Variants in SPRY3 observed in about 807,000 individuals in gnomAD.
SPRY3 encodes the protein protein sprouty homolog 3.
In SPRY3, 15 loss-of-function variants were observed where a neutral mutation model predicts 20.2. The ratio of observed to expected loss-of-function variants is 0.74; its 90% CI spans 0.50 to 1.14. The LOEUF (loss-of-function observed/expected upper bound fraction) is 1.14, where lower values mean the gene tolerates loss of function less well. SPRY3 is among the 50% of genes most tolerant of loss of function. The pLI is 0.00. For synonymous variants in SPRY3, 143 were observed against 136.5 expected, an observed-to-expected ratio of 1.05 and a Z score of -0.33; for missense variants, 364 against 363.9, an observed-to-expected ratio of 1.00 and a Z score of 0.00.
intron 1 of SPRY3, among the ~76,000 whole-genome samples, chrX:155,629,271 C>T (rs989831793): frequency 2.0e-4 from 21 of 106,723 alleles, no homozygotes; most frequent in Non-Finnish European, 3.5e-4. Flanking sequence ...GTTTTCTGTC[C>T]TTGTGATACT....
intron 1 of SPRY3, among the ~76,000 whole-genome samples, chrX:155,651,638 G>C (rs1440183883): frequency 5.4e-5 from 6 of 111,765 alleles, no homozygotes; most frequent in Non-Finnish European, 7.5e-5. Flanking sequence ...AGAGCAAAAG[G>C]CTTTAAAATT....
chrX:155,627,722 A>G (rs1557350082), intron 1 of SPRY3, among the ~76,000 whole-genome samples: 1 of 109,599 alleles, frequency 9.1e-6, no homozygotes, highest in Non-Finnish European at 1.9e-5. Flanking sequence ...TACATAGGTA[A>G]ATGTGTGCCA....
intron 2 of SPRY3, among the ~76,000 whole-genome samples, chrX:155,767,303 C>G (rs900513655): frequency 2.6e-5 from 4 of 152,092 alleles, no homozygotes; most frequent in South Asian, 2.1e-4. Context: ...AACCCATTCA[C>G]AAGACCTCCA....
chrX:155,749,898 G>C (rs190007898), intron 2 of SPRY3, among the ~76,000 whole-genome samples: 23 of 151,854 alleles, frequency 1.5e-4, no homozygotes, highest in Admixed American at 9.9e-4. Flanking sequence ...TTATTCTGGA[G>C]TTCAGAGGAG....
At chrX:155,624,897 A>G (rs1339579027) in intron 1 of SPRY3, among the ~76,000 whole-genome samples, 1 of 111,784 alleles carries the variant, frequency 8.9e-6, no homozygotes, top group African/African-American at 3.2e-5. Context: ...AATAACAGAT[A>G]GAAATGGCTA....
chrX:155,639,975 A>T (rs1219676376), intron 1 of SPRY3, among the ~76,000 whole-genome samples: 7 of 112,407 alleles, frequency 6.2e-5, no homozygotes, highest in Admixed American at 2.8e-4. Flanking sequence ...TATGTTGGGC[A>T]TCTTTTCATT....
chrX:155,760,983 A>G (rs966545184), intron 2 of SPRY3, among the ~76,000 whole-genome samples: 1 of 152,054 alleles, frequency 6.6e-6, no homozygotes, highest in Non-Finnish European at 1.5e-5. Flanking sequence ...GAATGCTTTT[A>G]AACTTCCTTC....
intron 2 of SPRY3, among the ~76,000 whole-genome samples, chrX:155,761,364 A>G (rs1327984013): frequency 6.6e-6 from 1 of 151,848 alleles, no homozygotes; most frequent in Admixed American, 6.6e-5. Context: ...TTCATTTTAG[A>G]TTCAAAAAAA....
In SPRY3 at chrX:155,625,932, A is replaced by G. The variant is rs1196372494; in HGVS notation, c.-441+13285A>G. Among the ~76,000 whole-genome samples, 5 of 61,927 alleles carry G rather than the reference A, an allele frequency of 8.1e-5. No homozygotes were observed. The Admixed American group carries it at 9.2e-4, about 11-fold the overall frequency. The allele number at this position is 61,927 out of a possible 115,157, so 53.8% of individuals were successfully genotyped here. A position where few individuals can be genotyped will look rare whatever the true frequency, so the allele number is the denominator to read the frequency against. On this transcript the variant is annotated intron_variant, in intron 1 of 3. Transcript: ENST00000675360. ...TGAAGAGTATTTCATTATATGGATAAACCACATTTTGTTTCTTTTTATTGG... is the reference window on the plus strand; with the variant it reads ...TGAAGAGTATTTCATTATATGGATAGACCACATTTTGTTTCTTTTTATTGG...
intron 3 of SPRY3, among the ~76,000 whole-genome samples, chrX:155,768,874 A>G (rs1162014925): frequency 6.6e-6 from 1 of 152,244 alleles, no homozygotes; most frequent in Non-Finnish European, 1.5e-5. Flanking sequence ...TCACCTCTGC[A>G]TGCTGCAAAC....
intron 2 of SPRY3, among the ~76,000 whole-genome samples, chrX:155,691,030 A>T (rs1189693596): frequency 1.2e-5 from 1 of 86,434 alleles, no homozygotes; most frequent in Non-Finnish European, 2.1e-5. Flanking sequence ...ATCGTATATG[A>T]TTTGTGTCCT....
intron 2 of SPRY3, among the ~76,000 whole-genome samples, chrX:155,705,766 TAG>T (rs1160551674): frequency 6.6e-6 from 1 of 151,360 alleles, no homozygotes; most frequent in Non-Finnish European, 1.5e-5. Flanking sequence ...AACAGGGATA[TAG>T]AGAGACATAC....
chrX:155,632,249 A>ACACACACACACG (rs1314359224), intron 1 of SPRY3, among the ~76,000 whole-genome samples: 3 of 110,877 alleles, frequency 2.7e-5, no homozygotes, highest in African/African-American at 3.3e-5. Context: ...ACACACACGC[A>ACACACACACACG]CACACACACT....
At chrX:155,694,943 A>G (rs2068114165) in intron 2 of SPRY3, among the ~76,000 whole-genome samples, 1 of 111,556 alleles carries the variant, frequency 9.0e-6, no homozygotes, top group East Asian at 2.8e-4. Context: ...CTAACAGGCC[A>G]CAGACTGGTA....
At chrX:155,747,982 G>T (rs1405551305) in intron 2 of SPRY3, among the ~76,000 whole-genome samples, 2 of 151,774 alleles carry the variant, frequency 1.3e-5, no homozygotes, top group Non-Finnish European at 2.9e-5. Context: ...ATACTTATAC[G>T]ATTTATATAC....
intron 2 of SPRY3, among the ~76,000 whole-genome samples, chrX:155,745,411 A>G (rs1171053950): frequency 6.6e-6 from 1 of 152,084 alleles, no homozygotes; most frequent in Non-Finnish European, 1.5e-5. Flanking sequence ...AGAGCTACTG[A>G]CAACTTCTTA....
At position 155,684,430 on chromosome X, in the gene SPRY3, A is replaced by T. The variant is rs181753503; in HGVS notation, c.-282+27405A>T. ...CATTGCTTTAGGGTTTTCCAAATGTATGCTTTTCACAATTCATTTAGAATC... is the reference window on the plus strand; with the variant it reads ...CATTGCTTTAGGGTTTTCCAAATGTTTGCTTTTCACAATTCATTTAGAATC... On this transcript the variant is annotated intron_variant, in intron 2 of 3. Transcript: ENST00000675360. 1.5e-3 allele frequency among the ~76,000 whole-genome samples: 172 copies of T among 111,549 alleles called. 1 individual carries two copies. Among genetic ancestry groups the T allele is most frequent in the African/African-American group, 5.4e-3 (165 of 30,773 alleles).
At chrX:155,619,796 AAAGT>A (rs2067865473) in intron 1 of SPRY3, among the ~76,000 whole-genome samples, 1 of 111,946 alleles carries the variant, frequency 8.9e-6, no homozygotes, top group Non-Finnish European at 1.9e-5. Context: ...ATATCTTACA[AAAGT>A]AAGGTATCTA....
intron 2 of SPRY3, among the ~76,000 whole-genome samples, chrX:155,738,266 A>G (rs1330276498): frequency 2.0e-5 from 3 of 151,142 alleles, no homozygotes; most frequent in Non-Finnish European, 3.0e-5. Flanking sequence ...GCAGACTGGG[A>G]AAAAAAAATG....
Sources: allele counts gnomAD v4.1 joint callset (sites outside exome capture counted in the v4.1 genomes callset), GRCh38; gene constraint gnomAD v4.1.1; transcripts MANE v1.5; gene names NCBI Gene and HGNC (gene_info 2026-07-23, HGNC 2026-07-21).